The following PRRG1 variants were observed in gnomAD, a reference collection of about 807,000 sequenced individuals.
PRRG1 encodes transmembrane gamma-carboxyglutamic acid protein 1.
A neutral mutation model predicts 11.8 loss-of-function variants in PRRG1; 5 were observed. The observed-to-expected ratio is 0.42, with a 90% CI of 0.22 to 0.89. PRRG1 has a LOEUF of 0.89. Ranked by LOEUF, PRRG1 falls within the 40% of genes least tolerant of loss-of-function variation. PRRG1 has a pLI of 0.28. For missense variants in PRRG1, 155 were observed against 166.1 expected (o/e 0.93, Z 0.37); for synonymous variants, 66 against 60.4 (o/e 1.09, Z -0.43).
chrX:37,431,837 G>A (rs372984254), intron 3 of PRRG1, among the ~76,000 whole-genome samples: 49 of 104,346 alleles, frequency 4.7e-4, no homozygotes, highest in African/African-American at 1.6e-3. Context: ...GTGCAATCTC[G>A]GCTCATGGCA....
At chrX:37,430,921 C>G (rs1473532653) in intron 3 of PRRG1, among the ~76,000 whole-genome samples, 3 of 112,063 alleles carry the variant, frequency 2.7e-5, no homozygotes, top group African/African-American at 9.7e-5. Context: ...CCACAACCAT[C>G]CCTAACCCTT....
intron 3 of PRRG1, among the ~76,000 whole-genome samples, chrX:37,437,990 G>A (rs573523319): frequency 1.0e-4 from 11 of 109,463 alleles, no homozygotes; most frequent in East Asian, 5.7e-4. Flanking sequence ...GGCAGATCAC[G>A]TGAGGTCAGG....
At chrX:37,393,361 CAT>C (rs1931606805) in intron 1 of PRRG1, among the ~76,000 whole-genome samples, 1 of 108,294 alleles carries the variant, frequency 9.2e-6, no homozygotes, top group African/African-American at 3.3e-5. Context: ...TATAAATTTA[CAT>C]ATATCTATAC....
Position 37,454,806 on chromosome X carries a change from A to G in PRRG1, c.*1185A>G, listed in dbSNP as rs1391491776. 2.7e-5 allele frequency: 3 copies of G among 111,643 alleles called. No individual in the cohort carries two copies. Among genetic ancestry groups the G allele is most frequent in the African/African-American group, 9.8e-5 (3 of 30,617 alleles). The allele number at this position is 111,643 out of a possible 1,213,427, so 9.2% of individuals were successfully genotyped here. A position where few individuals can be genotyped will look rare whatever the true frequency, so the allele number is the denominator to read the frequency against. ...ACTTCCTTTTGTATTTTCATCAGGT[A>G]TTTTTTTAACTGTAGGGTTTTTACT... On this transcript the variant is annotated 3_prime_UTR_variant, in exon 4 of 4. Coordinates refer to ENST00000378628, the MANE Select transcript of PRRG1 (RefSeq NM_001142395.2).
chrX:37,442,012 G>T (rs1249981963), intron 3 of PRRG1: 54 of 769,003 alleles, frequency 7.0e-5, no homozygotes, highest in Non-Finnish European at 8.2e-5. Flanking sequence ...AGCCCCAGAA[G>T]CAGGCCTGGC....
At chrX:37,387,151 A>G (rs1484689275) in intron 1 of PRRG1, among the ~76,000 whole-genome samples, 1 of 112,140 alleles carries the variant, frequency 8.9e-6, no homozygotes, top group African/African-American at 3.2e-5. Context: ...ACTTAAAACA[A>G]TTCCAAGACC....
intron 1 of PRRG1, among the ~76,000 whole-genome samples, chrX:37,367,102 C>G (rs782051842): frequency 9.0e-6 from 1 of 111,604 alleles, no homozygotes; most frequent in South Asian, 3.7e-4. Context: ...AAATGTTTGA[C>G]CATATAAGCA....
chrX:37,406,376 T>C (rs1932190267), intron 2 of PRRG1, 117 bp downstream of exon 2: 1 of 778,557 alleles, frequency 1.3e-6, no homozygotes, highest in Non-Finnish European at 1.9e-6. Flanking sequence ...TTCTTGTTAG[T>C]GTTAGAAAGT....
chrX:37,383,696 C>A (rs781887494), intron 1 of PRRG1, among the ~76,000 whole-genome samples: 7 of 110,774 alleles, frequency 6.3e-5, no homozygotes, highest in Non-Finnish European at 1.1e-4. Flanking sequence ...TCTATATTGA[C>A]CTCTTGAAGT....
intron 1 of PRRG1, among the ~76,000 whole-genome samples, chrX:37,388,116 C>T (rs1305124498): frequency 1.8e-5 from 2 of 111,954 alleles, no homozygotes; most frequent in African/African-American, 3.3e-5. Flanking sequence ...TGATACAAGG[C>T]GTGGGTTCCC....
chrX:37,441,683 G>T (rs1315294780), intron 3 of PRRG1: 2 of 798,810 alleles, frequency 2.5e-6, no homozygotes, highest in African/African-American at 2.2e-5. Context: ...CACTTTAGCC[G>T]CTACTTCCTG....
At chrX:37,361,452 A>G (rs1173332970) in intron 1 of PRRG1, among the ~76,000 whole-genome samples, 1 of 112,283 alleles carries the variant, frequency 8.9e-6, no homozygotes, top group Non-Finnish European at 1.9e-5. Context: ...TTTTGATAGC[A>G]CTTGTTATCT....
chrX:37,444,552 G>A (rs1269450483), intron 3 of PRRG1, among the ~76,000 whole-genome samples: 5 of 111,858 alleles, frequency 4.5e-5, no homozygotes, highest in African/African-American at 1.6e-4. Flanking sequence ...ATCACTTACA[G>A]CAGTGCCTGG....
intron 3 of PRRG1, 83 bp from the exon 4 acceptor site, chrX:37,453,053 A>G (rs903481218): frequency 8.5e-5 from 88 of 1,032,854 alleles, no homozygotes; most frequent in Non-Finnish European, 1.1e-4. Context: ...CATTATGTTC[A>G]TTGAACCCAG....
intron 1 of PRRG1, among the ~76,000 whole-genome samples, chrX:37,349,840 G>A (rs782225513): frequency 4.9e-4 from 55 of 111,152 alleles, no homozygotes; most frequent in Admixed American, 2.6e-3. Context: ...GGATTTGGAG[G>A]CGGTGGGCTG....
At chrX:37,406,129 T>A (rs1412235885) in intron 1 of PRRG1, 80 bp from the exon 2 acceptor site, 5 of 843,405 alleles carry the variant, frequency 5.9e-6, no homozygotes, top group Non-Finnish European at 8.5e-6. Flanking sequence ...ATTGACCACA[T>A]CAGCTGTACT....
At chrX:37,408,529 G>A (rs1602012005) in intron 2 of PRRG1, among the ~76,000 whole-genome samples, 1 of 111,719 alleles carries the variant, frequency 9.0e-6, no homozygotes, top group East Asian at 2.8e-4. Context: ...ACATGTTGGG[G>A]CAAGGGGAAG....
intron 1 of PRRG1, among the ~76,000 whole-genome samples, chrX:37,362,797 G>T (rs144303226): frequency 2.5e-3 from 278 of 111,085 alleles, no homozygotes; most frequent in African/African-American, 8.8e-3. Flanking sequence ...TACTTCAACT[G>T]GGGCTGTCAA....
At chrX:37,405,427 C>T (rs975725735) in intron 1 of PRRG1, among the ~76,000 whole-genome samples, 4 of 111,475 alleles carry the variant, frequency 3.6e-5, no homozygotes, top group Admixed American at 9.6e-5. Flanking sequence ...ACCTTTCAGG[C>T]GCTTAGTTTC....
Sources: allele counts gnomAD v4.1 joint callset (sites outside exome capture counted in the v4.1 genomes callset), GRCh38; gene constraint gnomAD v4.1.1; transcripts MANE v1.5; gene names NCBI Gene and HGNC (gene_info 2026-07-23, HGNC 2026-07-21).